PDE6B: variants seen among roughly 807,000 people sequenced by gnomAD.
PDE6B encodes the protein rod cGMP-specific 3',5'-cyclic phosphodiesterase subunit beta.
PDE6B carries 106 observed loss-of-function variants against 109.0 expected under a neutral mutation model. That is an observed-to-expected ratio of 0.97 (90% CI 0.83 to 1.14). The LOEUF (loss-of-function observed/expected upper bound fraction) is 1.14. Ranked by LOEUF, PDE6B falls within the 50% of genes most tolerant of loss-of-function variation. The pLI, the probability that PDE6B is intolerant of heterozygous loss-of-function variation, is 0.00. For synonymous variants in PDE6B, 490 were observed against 471.3 expected (o/e 1.04, Z -0.51); for missense variants, 1,193 against 1,155.6 (o/e 1.03, Z -0.47).
chr4:669,842 GAT>G (rs1738306599), intron 21 of PDE6B, among the ~76,000 whole-genome samples: 1 of 152,088 alleles, frequency 6.6e-6, no homozygotes, highest in Non-Finnish European at 1.5e-5. Flanking sequence ...GGAAGGCCAG[GAT>G]GAGCATAATC....
Position 636,137 on chromosome 4 carries a change from G to A in PDE6B, c.711+168G>A, listed in dbSNP as rs1322045084. On this transcript the variant is annotated intron_variant, in intron 3 of 21. Coordinates refer to ENST00000496514, the MANE Select transcript of PDE6B (RefSeq NM_000283.4). The surrounding 1 kb of genome is among the most constrained non-coding windows in gnomAD (Gnocchi z 4.5). ...AGGGCTCCATGGCTTCTGTGGCTGT[G>A]CTGAGCTGCAATGGCCAGACCCATC... 6.6e-6 allele frequency among the ~76,000 whole-genome samples: 1 copy of A among 152,186 alleles called. No individual in the cohort carries two copies. Among genetic ancestry groups the A allele is most frequent in the South Asian group, 2.1e-4 (1 of 4,830 alleles).
At chr4:653,733 C>A (rs1469608011) in intron 3 of PDE6B, 119 bp from the exon 4 acceptor site, 2 of 1,117,716 alleles carry the variant, frequency 1.8e-6, no homozygotes, top group African/African-American at 1.5e-5. Flanking sequence ...CACGGCTGGG[C>A]AGGTGGTCAG....
At position 647,408 on chromosome 4, in the gene PDE6B, C is replaced by T. The variant is rs1333510092; in HGVS notation, c.712-6444C>T. ...CAGCTGAGGGTGACAGCAGCTTCCG[C>T]GCCCTTGTTTATGGTTTGTTTTTGC... is the stretch of plus-strand genomic sequence containing the variant. On this transcript the variant is annotated intron_variant, in intron 3 of 21. Coordinates refer to ENST00000496514, the MANE Select transcript of PDE6B (RefSeq NM_000283.4). Among the ~76,000 whole-genome samples, 3 of 152,010 alleles carry T rather than the reference C, an allele frequency of 2.0e-5. 1 individual carries two copies. Among genetic ancestry groups the T allele is most frequent in the Admixed American group, 2.0e-4 (3 of 15,270 alleles).
In PDE6B at chr4:626,418, C is replaced by T. The variant is rs1734106597; in HGVS notation, c.468+324C>T. 6.6e-6 allele frequency among the ~76,000 whole-genome samples: 1 copy of T among 152,178 alleles called. No individual in the cohort carries two copies. Among genetic ancestry groups the T allele is most frequent in the South Asian group, 2.1e-4 (1 of 4,834 alleles). On this transcript the variant is annotated intron_variant, in intron 1 of 21. Coordinates refer to ENST00000496514, the MANE Select transcript of PDE6B (RefSeq NM_000283.4). This position sits in a 1 kb window ranked among gnomAD's most constrained non-coding sequence, Gnocchi z 4.6. ...CTGCATCCACATCCCATGGTGGGGA[C>T]CATGTAGTCCCTGTGAGGACCCCTG...
Position 626,040 on chromosome 4 carries a change from C to A in PDE6B, c.414C>A (p.Val138=), listed in dbSNP as rs748297420. The change falls in exon 1 of 22, where the codon GTC becomes GTA. Residue 138 remains valine, a synonymous_variant. Coordinates refer to ENST00000496514, the MANE Select transcript of PDE6B (RefSeq NM_000283.4). This position sits in a 1 kb window ranked among gnomAD's most constrained non-coding sequence, Gnocchi z 4.6. ...TCGTCTTCCCACTGGACATCGGGGT[C>A]GTGGGCCACGTGGCTCAGACCAAAA... The part of the protein sequence containing the change: ...SEIVFPLDIG[V]VGHVAQTKKM... The A allele has an allele frequency of 6.3e-7, 1 of 1,594,808 alleles. No individual in the cohort carries two copies. Among genetic ancestry groups the A allele is most frequent in the Non-Finnish European group, 8.5e-7 (1 of 1,171,582 alleles).
intron 21 of PDE6B, 120 bp downstream of exon 21, chr4:668,126 G>A (rs760816304): frequency 6.3e-4 from 632 of 1,002,210 alleles, no homozygotes; most frequent in Non-Finnish European, 8.7e-4. Context: ...AAGAAGCCTC[G>A]AGGTGGACAG....
intron 3 of PDE6B, among the ~76,000 whole-genome samples, chr4:640,245 A>G (rs1461636611): frequency 1.3e-5 from 2 of 152,152 alleles, no homozygotes; most frequent in Non-Finnish European, 2.9e-5. Context: ...TTTTATTATA[A>G]TAAAGTCCAA....
chr4:666,764 AGT>A lies in PDE6B; in HGVS notation c.2352+152_2352+153del, dbSNP rs944857336. The A allele has an allele frequency of 8.8e-6, 6 of 682,270 alleles. No individual in the cohort carries two copies. The African/African-American group carries it at 1.1e-4, about 12-fold the overall frequency. 42.3% of individuals were successfully genotyped at this position (682,270 alleles called of 1,614,324 possible). On this transcript the variant is annotated intron_variant, in intron 20 of 21. Coordinates refer to ENST00000496514, the MANE Select transcript of PDE6B (RefSeq NM_000283.4). The surrounding 1 kb of genome is among the most constrained non-coding windows in gnomAD (Gnocchi z 5.6). ...CAGTGCCAGCTTCGTGCCGCTCTTG[AGT>A]GGGGCAAATGGGGAGGAACATCAGT...
At chr4:653,115 T>G in intron 3 of PDE6B, 19 of 953,368 alleles carry the variant, frequency 2.0e-5, no homozygotes, top group Non-Finnish European at 2.0e-5. Context: ...GTTCCCACCA[T>G]GAGCTGAGTG....
Position 657,122 on chromosome 4 carries a change from G to A in PDE6B, c.1257+99G>A, listed in dbSNP as rs566216470. 1,044 of 1,285,066 alleles carry A rather than the reference G, an allele frequency of 8.1e-4. 13 individuals carry two copies. The South Asian group carries it at 0.012, about 14-fold the overall frequency. The allele number at this position is 1,285,066 out of a possible 1,614,324, so 79.6% of individuals were successfully genotyped here. A position where few individuals can be genotyped will look rare whatever the true frequency, so the allele number is the denominator to read the frequency against. On this transcript the variant is annotated intron_variant, in intron 9 of 21. Transcript: ENST00000496514. ...CCCCGCCAAGCATTCGGCTGTGTGC[G>A]TGTGCTCATGTGTGTGCGGTATGCA...
intron 3 of PDE6B, chr4:652,558 G>C: frequency 1.1e-6 from 1 of 895,626 alleles, no homozygotes; most frequent in Non-Finnish European, 1.3e-6. Context: ...TGCTCGGTAA[G>C]TGCAGTTCTG....
In PDE6B at chr4:664,818, A is replaced by C. The variant is rs1011329219; in HGVS notation, c.2130-63A>C. 32 of 1,277,116 alleles carry C rather than the reference A, an allele frequency of 2.5e-5. No individual in the cohort carries two copies. In the Admixed American group the frequency reaches 5.0e-4, roughly 20 times the overall value. The allele number at this position is 1,277,116 out of a possible 1,614,324, so 79.1% of individuals were successfully genotyped here. A position where few individuals can be genotyped will look rare whatever the true frequency, so the allele number is the denominator to read the frequency against. On this transcript the variant is annotated intron_variant, in intron 17 of 21. Transcript: ENST00000496514. Reference sequence around the variant, plus strand: ...AAGACTCCATCTCAAAAAAGAAAACACATATAAACCACCTGCCCTCAGGAG... The same window carrying C: ...AAGACTCCATCTCAAAAAAGAAAACCCATATAAACCACCTGCCCTCAGGAG...
chr4:653,533 C>T (rs892513646), intron 3 of PDE6B: 3 of 487,436 alleles, frequency 6.2e-6, no homozygotes, highest in African/African-American at 2.0e-5. Context: ...AGCAGCCGGG[C>T]GGAGGAAGGG....
Position 654,113 on chromosome 4 carries a change from G to A in PDE6B, c.886G>A (p.Glu296Lys). 1.2e-6 allele frequency: 2 copies of A among 1,613,834 alleles called. No homozygotes were observed. The highest frequency in any genetic ancestry group is 1.1e-5 in the South Asian group (1 of 91,088). The change falls in exon 5 of 22, where the codon GAG becomes AAG. Residue 296 changes from glutamate to lysine, a missense_variant. Coordinates refer to ENST00000496514, the MANE Select transcript of PDE6B (RefSeq NM_000283.4). ...TGACGTGTGGTCTGTGCTGATGGGAGAGTCCCAGCCGTACTCGGGCCCACG... is the reference window on the plus strand; with the variant it reads ...TGACGTGTGGTCTGTGCTGATGGGAAAGTCCCAGCCGTACTCGGGCCCACG... ...FFDVWSVLMG[E>K]SQPYSGPRTP...
At position 654,889 on chromosome 4, in the gene PDE6B, G is replaced by A. The variant is rs898144119; in HGVS notation, c.992+1G>A. On this transcript the variant is annotated splice_donor_variant, in intron 6 of 21. Transcript: ENST00000496514. LOFTEE classifies it high-confidence loss of function. ...GCAAGGAGGAGATCAAGGTCATTCC[G>A]TAAGTGCAGGATTTTACCAGAAGCG... is the stretch of plus-strand genomic sequence containing the variant. The A allele has an allele frequency of 5.3e-6, 8 of 1,501,234 alleles. No individual in the cohort carries two copies. The highest frequency in any genetic ancestry group is 2.2e-5 in the South Asian group (2 of 88,908). 93.0% of individuals were successfully genotyped at this position (1,501,234 alleles called of 1,614,324 possible).
At chr4:627,448 A>G (rs1318158491) in intron 1 of PDE6B, among the ~76,000 whole-genome samples, 1 of 152,062 alleles carries the variant, frequency 6.6e-6, no homozygotes, top group African/African-American at 2.4e-5. Flanking sequence ...ACCAGGCCGG[A>G]AGTGGCAATC....
chr4:641,985 A>T (rs569350965), intron 3 of PDE6B, among the ~76,000 whole-genome samples: 1 of 152,158 alleles, frequency 6.6e-6, no homozygotes, highest in Non-Finnish European at 1.5e-5. Context: ...TTACCTAGAC[A>T]ATCATGTCAT....
chr4:644,821 T>C (rs1181865068), intron 3 of PDE6B, among the ~76,000 whole-genome samples: 2 of 151,936 alleles, frequency 1.3e-5, no homozygotes, highest in Non-Finnish European at 2.9e-5. Context: ...TGAGCCACCA[T>C]GCCCGGCCCA....
At chr4:631,813 T>C (rs533998743) in intron 1 of PDE6B, among the ~76,000 whole-genome samples, 171 of 151,350 alleles carry the variant, frequency 1.1e-3, no homozygotes, top group African/African-American at 4.0e-3. Context: ...CAAAGGGTCA[T>C]GAGGGTCACG....
Sources: gnomAD v4.1 joint callset for allele counts (sites outside exome capture counted in the v4.1 genomes callset) on GRCh38, gnomAD v4.1.1 for gene constraint, Gnocchi (gnomAD v3.1) non-coding constraint, MANE v1.5 for transcripts, NCBI Gene and HGNC (gene_info 2026-07-23, HGNC 2026-07-21) for gene names.